ACER1: variants seen among roughly 807,000 people sequenced by gnomAD.
ACER1 encodes the protein CTB-180A7.3.
In ACER1, 28 loss-of-function variants were observed where a neutral mutation model predicts 24.9. The observed-to-expected ratio is 1.13, with a 90% CI of 0.83 to 1.54. The LOEUF (loss-of-function observed/expected upper bound fraction) is 1.54, where lower values mean the gene tolerates loss of function less well. Ranked by LOEUF, ACER1 falls within the 40% of genes most tolerant of loss-of-function variation. The pLI, the probability that ACER1 is intolerant of heterozygous loss-of-function variation, is 0.00. For synonymous variants in ACER1, 132 were observed against 131.4 expected (o/e 1.00, Z -0.03); for missense variants, 352 against 349.3 (o/e 1.01, Z -0.06).
At chr19:6,330,511 A>G (rs2091682059) in intron 1 of ACER1, among the ~76,000 whole-genome samples, 1 of 149,868 alleles carries the variant, frequency 6.7e-6, no homozygotes, top group African/African-American at 2.5e-5. Context: ...GGGTCTTGCT[A>G]TGTTGCTTAG....
intron 1 of ACER1, among the ~76,000 whole-genome samples, chr19:6,314,779 C>G (rs1348617143): frequency 6.6e-6 from 1 of 152,110 alleles, no homozygotes; most frequent in Non-Finnish European, 1.5e-5. Flanking sequence ...TACCTGCGTT[C>G]ATATGTTTAT....
intron 1 of ACER1, among the ~76,000 whole-genome samples, chr19:6,317,722 G>T (rs1436198068): frequency 2.0e-5 from 3 of 151,772 alleles, no homozygotes; most frequent in African/African-American, 7.3e-5. Flanking sequence ...TTTTTTTGTT[G>T]TTGTTTTGTT....
the ACER1 span, among the ~76,000 whole-genome samples, chr19:6,345,843 GCATGAGCCAC>G: frequency 6.6e-6 from 1 of 151,668 alleles, no homozygotes; most frequent in African/African-American, 2.4e-5. Context: ...GGGATGACAG[GCATGAGCCAC>G]CATGCCTGGC....
chr19:6,355,993 G>A, the ACER1 span, among the ~76,000 whole-genome samples: 4 of 151,832 alleles, frequency 2.6e-5, no homozygotes, highest in Admixed American at 6.5e-5. Context: ...CATTGAGAAC[G>A]GGCCATGATG....
chr19:6,321,239 G>A (rs937063706), intron 1 of ACER1, among the ~76,000 whole-genome samples: 6 of 151,598 alleles, frequency 4.0e-5, no homozygotes, highest in African/African-American at 1.5e-4. Flanking sequence ...GGGTTCAAGC[G>A]ATTCTCCTGC....
chr19:6,307,084 C>T (rs1265508795), intron 5 of ACER1, 69 bp downstream of exon 5: 13 of 1,594,064 alleles, frequency 8.2e-6, no homozygotes, highest in Non-Finnish European at 1.1e-5. Flanking sequence ...CCCCAGGTGC[C>T]TACTCCGAGC....
chr19:6,332,786 G>T (rs10426320), intron 1 of ACER1, among the ~76,000 whole-genome samples: 7,566 of 151,946 alleles, frequency 0.05, 288 homozygotes, highest in African/African-American at 0.11. Flanking sequence ...TTCTCATGCC[G>T]TAGCCTCCTG....
the ACER1 span, among the ~76,000 whole-genome samples, chr19:6,347,109 A>AATATATATATATATATATATAT: frequency 6.2e-5 from 7 of 113,804 alleles, no homozygotes; most frequent in African/African-American, 3.5e-4. Context: ...AAAAAAAAAA[A>AATATATATATATATATATATAT]ATATATATAT....
chr19:6,345,737 G>A, the ACER1 span, among the ~76,000 whole-genome samples: 1 of 151,324 alleles, frequency 6.6e-6, no homozygotes, highest in Non-Finnish European at 1.5e-5. Context: ...GCTAATTTTT[G>A]TATTTTTTGT....
intron 1 of ACER1, 89 bp from the exon 2 acceptor site, chr19:6,312,588 G>A (rs2091587575): frequency 5.1e-6 from 5 of 984,730 alleles, no homozygotes; most frequent in South Asian, 1.3e-5. Flanking sequence ...TCACCAGCCA[G>A]TCGGTTACCT....
intron 1 of ACER1, among the ~76,000 whole-genome samples, chr19:6,313,436 G>C (rs1003204609): frequency 3.3e-5 from 5 of 152,154 alleles, no homozygotes; most frequent in Non-Finnish European, 2.9e-5. Context: ...TGTAAAAATA[G>C]TATCTCCCAA....
chr19:6,307,703 A>C lies in ACER1; in HGVS notation c.489-413T>G, dbSNP rs530076329. 3.9e-5 allele frequency among the ~76,000 whole-genome samples: 6 copies of C among 151,928 alleles called. No homozygotes were observed. The South Asian group carries it at 1.0e-3, about 26-fold the overall frequency. On this transcript the variant is annotated intron_variant, in intron 4 of 5. Coordinates refer to ENST00000301452, the MANE Select transcript of ACER1 (RefSeq NM_133492.3). ...TTACTCGGGAGGCTGAGGCAAGAGG[A>C]TCATTTGAGCCCAGGAGTGCAAGGC...
intron 1 of ACER1, 113 bp from the exon 2 acceptor site, chr19:6,312,612 C>T (rs2144999873): frequency 1.3e-6 from 1 of 748,528 alleles, no homozygotes; most frequent in Admixed American, 2.1e-5. Context: ...GCATTTCAGG[C>T]AATGCATCAA....
Position 6,312,277 on chromosome 19 carries a change from C to T in ACER1, c.222G>A (p.Met74Ile), listed in dbSNP as rs754245722. ...GGAAGCTGAGCGTCATGTGGAAATA[C>T]ATGGAGAACAGGCCTGCAGCGGCAA... Reference protein sequence around the residue: ...VLFMIIGLFSMYFHMTLSFLG... With the variant: ...VLFMIIGLFSIYFHMTLSFLG... The change falls in exon 3 of 6, where the codon ATG (methionine) becomes ATA (isoleucine). Residue 74 changes from methionine (M) to isoleucine (I), a missense_variant. Met to Ile is a conservative substitution (Grantham distance 10). Transcript: ENST00000301452. 6.2e-7 allele frequency: 1 copy of T among 1,614,092 alleles called. No individual in the cohort carries two copies. The highest frequency in any genetic ancestry group is 1.7e-5 in the Admixed American group (1 of 60,014).
chr19:6,321,488 C>T (rs138197332), intron 1 of ACER1, among the ~76,000 whole-genome samples: 302 of 152,206 alleles, frequency 2.0e-3, no homozygotes, highest in African/African-American at 7.0e-3. Flanking sequence ...GTTTTTCTTC[C>T]TTGGCACATC....
At chr19:6,349,934 C>G in the ACER1 span, among the ~76,000 whole-genome samples, 57 of 152,224 alleles carry the variant, frequency 3.7e-4, no homozygotes, top group Non-Finnish European at 7.4e-4. Flanking sequence ...AGTTCAAGAC[C>G]AGCTCAGGCA....
intron 1 of ACER1, among the ~76,000 whole-genome samples, chr19:6,328,104 G>A (rs1354700976): frequency 6.6e-6 from 1 of 150,506 alleles, no homozygotes; most frequent in African/African-American, 2.5e-5. Context: ...TTGGCATACA[G>A]CCACACCCAT....
At chr19:6,347,596 G>A in the ACER1 span, among the ~76,000 whole-genome samples, 694 of 152,222 alleles carry the variant, frequency 4.6e-3, 5 homozygotes, top group African/African-American at 0.016. Flanking sequence ...AGCACTTTGG[G>A]AGGCCGAAGT....
At chr19:6,348,865 G>A in the ACER1 span, among the ~76,000 whole-genome samples, 1 of 151,944 alleles carries the variant, frequency 6.6e-6, no homozygotes, top group Admixed American at 6.6e-5. Flanking sequence ...AGACTAGCCT[G>A]GCCAATATGG....
Sources: allele counts gnomAD v4.1 joint callset (sites outside exome capture counted in the v4.1 genomes callset), GRCh38; gene constraint gnomAD v4.1.1; transcripts MANE v1.5; gene names NCBI Gene and HGNC (gene_info 2026-07-23, HGNC 2026-07-21).